Variants in DIS3L2 observed in about 807,000 individuals in gnomAD.
The protein encoded by DIS3L2 is DIS3 like 3'-5' exoribonuclease 2.
A neutral mutation model predicts 97.5 loss-of-function variants in DIS3L2; 34 were observed. The observed-to-expected ratio is 0.35, with a 90% CI of 0.27 to 0.46. DIS3L2 has a LOEUF of 0.46. Among genes scored for constraint, DIS3L2 ranks in the 20% least tolerant of loss-of-function variants. DIS3L2 has a pLI of 1.00. For missense variants in DIS3L2, 1,038 were observed against 1,146.0 expected (o/e 0.91, Z 1.36); for synonymous variants, 435 against 445.2 (o/e 0.98, Z 0.29).
At chr2:232,256,264 T>G (rs1190564805) in intron 12 of DIS3L2, among the ~76,000 whole-genome samples, 1 of 152,242 alleles carries the variant, frequency 6.6e-6, no homozygotes, top group Non-Finnish European at 1.5e-5. Context: ...CCTGGAGCAT[T>G]GCTGCTCACA....
chr2:232,290,222 G>A (rs891472077), intron 13 of DIS3L2, among the ~76,000 whole-genome samples: 1 of 152,256 alleles, frequency 6.6e-6, no homozygotes, highest in Non-Finnish European at 1.5e-5. Flanking sequence ...CCAGCTGGCT[G>A]CATGTGACAC....
intron 6 of DIS3L2, among the ~76,000 whole-genome samples, chr2:232,117,659 G>A (rs1176359564): frequency 6.6e-6 from 1 of 152,154 alleles, no homozygotes; most frequent in East Asian, 1.9e-4. Flanking sequence ...CTTTGCTCTT[G>A]CATCTGCCCA....
chr2:232,259,316 G>C (rs1021693533), intron 12 of DIS3L2, among the ~76,000 whole-genome samples: 5 of 152,088 alleles, frequency 3.3e-5, no homozygotes, highest in African/African-American at 1.2e-4. Context: ...AAAAAAAGGA[G>C]CTCAAATGAA....
At chr2:232,288,937 CAG>C (rs1197976271) in intron 13 of DIS3L2, among the ~76,000 whole-genome samples, 2 of 152,144 alleles carry the variant, frequency 1.3e-5, no homozygotes, top group East Asian at 3.9e-4. Context: ...AATAGAAAGA[CAG>C]AAAATCAGAA....
chr2:232,074,335 CT>C (rs1696122045), intron 5 of DIS3L2, among the ~76,000 whole-genome samples: 1 of 152,130 alleles, frequency 6.6e-6, no homozygotes, highest in Admixed American at 6.5e-5. Flanking sequence ...CTGGCTCTTG[CT>C]GCTTAGTATT....
intron 9 of DIS3L2, among the ~76,000 whole-genome samples, chr2:232,166,115 T>TAAATAAATAAAA (rs1426321045): frequency 1.1e-4 from 16 of 141,320 alleles, no homozygotes; most frequent in East Asian, 1.0e-3. Flanking sequence ...AATAAATAAA[T>TAAATAAATAAAA]AAAATATTAG....
intron 6 of DIS3L2, among the ~76,000 whole-genome samples, chr2:232,126,571 C>A (rs1046152219): frequency 6.6e-6 from 1 of 152,232 alleles, no homozygotes; most frequent in African/African-American, 2.4e-5. Context: ...GGGCCTCTGC[C>A]TTGTAAGGTT....
intron 14 of DIS3L2, among the ~76,000 whole-genome samples, chr2:232,305,771 A>G (rs1158728846): frequency 6.6e-6 from 1 of 152,126 alleles, no homozygotes; most frequent in Non-Finnish European, 1.5e-5. Context: ...CCTGGCCAAC[A>G]TGGTGAAACC....
rs955108386 is a variant in DIS3L2 at position 232,043,852 on chromosome 2, T to C, written c.366+13772T>C. Among the ~76,000 whole-genome samples, 30 of 152,216 alleles carry C rather than the reference T, an allele frequency of 2.0e-4. 1 individual carries two copies. Among genetic ancestry groups the C allele is most frequent in the Non-Finnish European group, 5.9e-5 (4 of 68,034 alleles). ...ATAGTAGTATTGTGATACTGCTGCT[T>C]GCTACTGCTATTGTTCAAATTCTCA... On this transcript the variant is annotated intron_variant, in intron 5 of 20. Transcript: ENST00000325385.
intron 6 of DIS3L2, among the ~76,000 whole-genome samples, chr2:232,096,087 CTTT>C (rs907872880): frequency 7.1e-6 from 1 of 140,046 alleles, no homozygotes. Flanking sequence ...GGGTAGTTGT[CTTT>C]TTTTTTTTTC....
At position 232,111,710 on chromosome 2, in the gene DIS3L2, G is replaced by C. The variant is rs147920515; in HGVS notation, c.602-18909G>C. On this transcript the variant is annotated intron_variant, in intron 6 of 20. Coordinates refer to ENST00000325385, the MANE Select transcript of DIS3L2 (RefSeq NM_152383.5). The stretch of plus-strand genomic sequence containing the variant: ...CACTTTATGAGATGTCATAACATGA[G>C]ACCATTGCCTCTTCCCATAAGCCCA... Among the ~76,000 whole-genome samples the C allele has an allele frequency of 7.3e-4, 111 of 152,264 alleles. 1 individual carries two copies. The highest frequency in any genetic ancestry group is 2.5e-3 in the African/African-American group (104 of 41,568).
intron 6 of DIS3L2, among the ~76,000 whole-genome samples, chr2:232,112,448 C>T (rs1039619713): frequency 6.6e-6 from 1 of 152,098 alleles, no homozygotes; most frequent in African/African-American, 2.4e-5. Flanking sequence ...TGCACTTAGT[C>T]CTTAAGAGGA....
chr2:232,022,797 G>T (rs1339415009), intron 3 of DIS3L2, among the ~76,000 whole-genome samples: 1 of 152,200 alleles, frequency 6.6e-6, no homozygotes, highest in Admixed American at 6.5e-5. Flanking sequence ...TTTGTTGAGT[G>T]AGTGGATGAA....
intron 9 of DIS3L2, among the ~76,000 whole-genome samples, chr2:232,202,443 T>C (rs576888854): frequency 1.3e-5 from 2 of 152,190 alleles, no homozygotes; most frequent in Non-Finnish European, 2.9e-5. Context: ...AGAGGTTCAT[T>C]GAACCGGTGA....
intron 13 of DIS3L2, among the ~76,000 whole-genome samples, chr2:232,282,123 TGA>T (rs1213893006): frequency 7.4e-6 from 1 of 135,622 alleles, no homozygotes; most frequent in African/African-American, 2.8e-5. Context: ...TCTTTCCAGC[TGA>T]GCCCTTCTCG....
At chr2:232,259,146 C>T (rs1359791192) in intron 12 of DIS3L2, among the ~76,000 whole-genome samples, 2 of 152,022 alleles carry the variant, frequency 1.3e-5, no homozygotes, top group Non-Finnish European at 2.9e-5. Context: ...GGGTTGCAGG[C>T]GTTAAGGAAG....
intron 9 of DIS3L2, among the ~76,000 whole-genome samples, chr2:232,193,459 A>T (rs1358476933): frequency 6.6e-6 from 1 of 152,252 alleles, no homozygotes; most frequent in Non-Finnish European, 1.5e-5. Flanking sequence ...TGCTTAGCAC[A>T]GGGTCTAGCA....
At chr2:232,301,811 G>A (rs1694863591) in intron 14 of DIS3L2, among the ~76,000 whole-genome samples, 2 of 145,278 alleles carry the variant, frequency 1.4e-5, no homozygotes, top group South Asian at 4.5e-4. Flanking sequence ...GTCTTTGACT[G>A]TGAGAAGAGA....
At chr2:232,118,112 G>A (rs979153139) in intron 6 of DIS3L2, among the ~76,000 whole-genome samples, 3 of 152,104 alleles carry the variant, frequency 2.0e-5, no homozygotes, top group Admixed American at 1.3e-4. Flanking sequence ...TGCTGCCTCC[G>A]CTGCCTGCTC....
Sources: gnomAD v4.1 joint callset for allele counts (sites outside exome capture counted in the v4.1 genomes callset) on GRCh38, gnomAD v4.1.1 for gene constraint, MANE v1.5 for transcripts, NCBI Gene and HGNC (gene_info 2026-07-23, HGNC 2026-07-21) for gene names.